The following MUC7 variants were observed in gnomAD, a reference collection of about 807,000 sequenced individuals.
The protein encoded by MUC7 is mucin-7.
MUC7 carries 2 observed loss-of-function variants against 2.5 expected under a neutral mutation model. The ratio of observed to expected loss-of-function variants is 0.81; its 90% CI spans 0.33 to 2.55. MUC7 has a LOEUF of 2.55. Among genes scored for constraint, MUC7 ranks in the 30% most tolerant of loss-of-function variants. The probability of loss-of-function intolerance (pLI) is 0.11; values close to 1 mark genes in which losing one functional copy is unlikely to be tolerated. For synonymous variants in MUC7, 133 were observed against 173.4 expected, an observed-to-expected ratio of 0.77 and a Z score of 1.83; for missense variants, 408 against 455.6, an observed-to-expected ratio of 0.90 and a Z score of 0.95.
chr4:70,445,760 A>G (rs571287362), intron 1 of MUC7, among the ~76,000 whole-genome samples: 1 of 152,328 alleles, frequency 6.6e-6, no homozygotes, highest in African/African-American at 2.4e-5. Flanking sequence ...GCTGAAAGGT[A>G]TTAGTTGAGG....
At chr4:70,464,665 G>A (rs915368123) in intron 1 of MUC7, among the ~76,000 whole-genome samples, 16 of 152,104 alleles carry the variant, frequency 1.1e-4, no homozygotes, top group Non-Finnish European at 2.9e-5. Context: ...CCAAAGCTCA[G>A]CAAAGCCACT....
At chr4:70,453,492 G>T (rs1326945697) in intron 1 of MUC7, among the ~76,000 whole-genome samples, 3 of 152,322 alleles carry the variant, frequency 2.0e-5, no homozygotes, top group Non-Finnish European at 2.9e-5. Flanking sequence ...GCTGAATGCT[G>T]CCAGGCCTGG....
chr4:70,475,215 T>C (rs962720877), intron 2 of MUC7, among the ~76,000 whole-genome samples: 8 of 151,946 alleles, frequency 5.3e-5, no homozygotes, highest in Non-Finnish European at 8.8e-5. Context: ...GGAGGCAGAG[T>C]TTGCAGTGAG....
At chr4:70,431,015 G>GACC (rs1733647677) in intron 1 of MUC7, among the ~76,000 whole-genome samples, 1 of 151,946 alleles carries the variant, frequency 6.6e-6, no homozygotes, top group African/African-American at 2.4e-5. Flanking sequence ...TCTGACATTA[G>GACC]TCCTAAAATA....
upstream of MUC7, among the ~76,000 whole-genome samples, chr4:70,468,465 A>G (rs1054036050): frequency 1.3e-5 from 2 of 152,224 alleles, no homozygotes; most frequent in African/African-American, 4.8e-5. Flanking sequence ...AGAGGAAGTC[A>G]AATTGTCTCT....
intron 1 of MUC7, among the ~76,000 whole-genome samples, chr4:70,452,496 A>G (rs1351463948): frequency 3.9e-5 from 6 of 152,066 alleles, no homozygotes; most frequent in South Asian, 2.1e-4. Flanking sequence ...ACTGATGACA[A>G]CTTAACCCTG....
At chr4:70,470,775 A>G (rs1386211594), upstream of MUC7, among the ~76,000 whole-genome samples, 1 of 152,230 alleles carries the variant, frequency 6.6e-6, no homozygotes, top group Non-Finnish European at 1.5e-5. Flanking sequence ...TAGCAAAAAA[A>G]GATGAAAAGA....
At position 70,481,867 on chromosome 4, in the gene MUC7, G is replaced by A; in HGVS notation, c.1123G>A (p.Val375Met). 2.5e-6 allele frequency: 4 copies of A among 1,613,732 alleles called. No homozygotes were observed. Among genetic ancestry groups the A allele is most frequent in the Non-Finnish European group, 3.4e-6 (4 of 1,179,860 alleles). ...ACTAAACAGAATTATTGACGACATGGTGGAGCAATAGTATATTGTATGTTG... is the reference window on the plus strand; with the variant it reads ...ACTAAACAGAATTATTGACGACATGATGGAGCAATAGTATATTGTATGTTG... ...NLLNRIIDDM[V>M]EQ The change falls in exon 3 of 3, where the codon GTG becomes ATG. Residue 375 changes from valine to methionine, a missense_variant. This residue lies in a region of MUC7 where 175 missense variants were observed against 187.1 expected (regional missense o/e 0.94). Coordinates refer to ENST00000304887, the MANE Select transcript of MUC7 (RefSeq NM_152291.3).
rs1735145513 is a variant in MUC7 at position 70,480,882 on chromosome 4, A to G, written c.138A>G (p.Pro46=). 6.2e-7 allele frequency: 1 copy of G among 1,614,140 alleles called. No homozygotes were observed. The highest frequency in any genetic ancestry group is 8.5e-7 in the Non-Finnish European group (1 of 1,180,002). The change falls in exon 3 of 3, where the codon CCA becomes CCG. Residue 46 remains proline (P), a synonymous_variant. Transcript: ENST00000304887. ...HQSPKSHFEL[P]HYPGLLAHQK... ...CACCCAAATCTCACTTTGAATTACC[A>G]CATTATCCTGGACTGCTAGCTCACC... is the stretch of plus-strand genomic sequence containing the variant.
chr4:70,461,342 G>A (rs1411165750), intron 1 of MUC7, among the ~76,000 whole-genome samples: 1 of 152,228 alleles, frequency 6.6e-6, no homozygotes. Context: ...CATGGTCCCA[G>A]TGAAGACGGG....
rs528126995 is a variant in MUC7 at position 70,475,197 on chromosome 4, C to T, written c.54+1122C>T. On this transcript the variant is annotated intron_variant, in intron 2 of 2. Transcript: ENST00000304887. ...AGGAGGCTGAGACAGGAGAATTGCT[C>T]GAACCTGGGAGGCAGAGTTTGCAGT... 3.0e-4 allele frequency among the ~76,000 whole-genome samples: 45 copies of T among 151,876 alleles called. 1 individual carries two copies. In the South Asian group the frequency reaches 5.6e-3, roughly 19 times the overall value.
intron 1 of MUC7, among the ~76,000 whole-genome samples, chr4:70,440,204 T>C (rs1363336314): frequency 6.6e-6 from 1 of 152,168 alleles, no homozygotes; most frequent in Non-Finnish European, 1.5e-5. Context: ...TAATATTATA[T>C]TACATAAAAA....
intron 1 of MUC7, among the ~76,000 whole-genome samples, chr4:70,433,049 G>T (rs1162321905): frequency 6.6e-6 from 1 of 152,088 alleles, no homozygotes; most frequent in Non-Finnish European, 1.5e-5. Flanking sequence ...TAGATCTATG[G>T]TATTATTTCT....
chr4:70,447,561 A>G (rs1201299396), intron 1 of MUC7, among the ~76,000 whole-genome samples: 1 of 152,226 alleles, frequency 6.6e-6, no homozygotes, highest in Non-Finnish European at 1.5e-5. Flanking sequence ...GTAATAGAGA[A>G]GCACACATTT....
chr4:70,482,087 G>C lies in MUC7; in HGVS notation c.*209G>C. 1.6e-6 allele frequency: 1 copy of C among 623,974 alleles called. No individual in the cohort carries two copies. The highest frequency in any genetic ancestry group is 2.2e-5 in the South Asian group (1 of 46,066). The allele number at this position is 623,974 out of a possible 1,614,324, so 38.7% of individuals were successfully genotyped here. On this transcript the variant is annotated 3_prime_UTR_variant, in exon 3 of 3. Coordinates refer to ENST00000304887, the MANE Select transcript of MUC7 (RefSeq NM_152291.3). ...TATCCCACAAGCCAGATGCAGGTCTGGGGTTCAAAATAACTCTTTGGATCC... is the reference window on the plus strand; with the variant it reads ...TATCCCACAAGCCAGATGCAGGTCTCGGGTTCAAAATAACTCTTTGGATCC...
At chr4:70,466,119 A>C (rs1734677363) in intron 1 of MUC7, among the ~76,000 whole-genome samples, 1 of 152,222 alleles carries the variant, frequency 6.6e-6, no homozygotes, top group African/African-American at 2.4e-5. Flanking sequence ...ATTCTTAAAG[A>C]AAAGAATTTT....
intron 1 of MUC7, among the ~76,000 whole-genome samples, chr4:70,438,574 A>C (rs1443137672): frequency 1.3e-5 from 2 of 152,106 alleles, no homozygotes; most frequent in Non-Finnish European, 2.9e-5. Context: ...CTCCAGCCTC[A>C]GTCTTCCAAG....
At chr4:70,477,339 G>A (rs41531145) in intron 2 of MUC7, among the ~76,000 whole-genome samples, 3,582 of 152,196 alleles carry the variant, frequency 0.024, 146 homozygotes, top group African/African-American at 0.081. Context: ...GAACCCAGGA[G>A]ACGTAGGTTG....
At chr4:70,451,228 G>T (rs998326051) in intron 1 of MUC7, among the ~76,000 whole-genome samples, 2 of 152,158 alleles carry the variant, frequency 1.3e-5, no homozygotes, top group African/African-American at 4.8e-5. Context: ...GCTCTAACAG[G>T]ACAGCACTGA....
Sources: allele counts gnomAD v4.1 joint callset (sites outside exome capture counted in the v4.1 genomes callset), GRCh38; gene constraint gnomAD v4.1.1; regional missense constraint gnomAD v4.1.1; transcripts MANE v1.5; gene names NCBI Gene and HGNC (gene_info 2026-07-23, HGNC 2026-07-21).